The following EDN1 variants were observed in gnomAD, a reference collection of about 807,000 sequenced individuals.
The protein encoded by EDN1 is endothelin-1.
In EDN1, 11 loss-of-function variants were observed where a neutral mutation model predicts 21.7. The observed-to-expected ratio is 0.51, with a 90% CI of 0.32 to 0.84. The LOEUF (loss-of-function observed/expected upper bound fraction) is 0.84, where lower values mean the gene tolerates loss of function less well. EDN1 is among the 40% of genes least tolerant of loss of function. EDN1 has a pLI of 0.03. For missense variants in EDN1, 244 were observed against 262.3 expected, an observed-to-expected ratio of 0.93 and a Z score of 0.48; for synonymous variants, 85 against 90.6, an observed-to-expected ratio of 0.94 and a Z score of 0.35.
chr6:12,249,296 G>A, the EDN1 span, among the ~76,000 whole-genome samples: 2 of 152,124 alleles, frequency 1.3e-5, no homozygotes, highest in South Asian at 4.1e-4. Context: ...CTGTTGCTTT[G>A]TTTTGCAATA....
At chr6:12,288,173 G>C (rs1026066086), upstream of EDN1, among the ~76,000 whole-genome samples, 19 of 152,064 alleles carry the variant, frequency 1.2e-4, no homozygotes, top group African/African-American at 4.1e-4. Flanking sequence ...GGTGGTTTCC[G>C]GGTAGGGGCC....
chr6:12,274,236 G>A, the EDN1 span, among the ~76,000 whole-genome samples: 4 of 152,148 alleles, frequency 2.6e-5, no homozygotes, highest in African/African-American at 9.7e-5. Flanking sequence ...TTATTTTGAT[G>A]TAGATAAGTA....
the EDN1 span, among the ~76,000 whole-genome samples, chr6:12,251,966 A>G: frequency 8.5e-5 from 13 of 152,344 alleles, no homozygotes; most frequent in African/African-American, 2.4e-4. Flanking sequence ...TTGTAAGTCA[A>G]CTTGCAATAA....
the EDN1 span, among the ~76,000 whole-genome samples, chr6:12,267,238 C>T: frequency 6.6e-6 from 1 of 152,114 alleles, no homozygotes; most frequent in Non-Finnish European, 1.5e-5. Context: ...TCCAGCATTT[C>T]AAACTTTATA....
At chr6:12,266,224 C>G in the EDN1 span, among the ~76,000 whole-genome samples, 7 of 151,970 alleles carry the variant, frequency 4.6e-5, no homozygotes, top group Non-Finnish European at 1.0e-4. Flanking sequence ...GAACAAACAT[C>G]AAGGAAGAAA....
the EDN1 span, among the ~76,000 whole-genome samples, chr6:12,284,757 AAG>A: frequency 1.4e-5 from 2 of 144,464 alleles, no homozygotes; most frequent in Non-Finnish European, 3.1e-5. Flanking sequence ...GGAAGAAAGA[AAG>A]AAAGAAAGAA....
the EDN1 span, among the ~76,000 whole-genome samples, chr6:12,230,677 A>G: frequency 1.3e-5 from 2 of 152,184 alleles, no homozygotes; most frequent in African/African-American, 2.4e-5. Flanking sequence ...GACCTCAGGT[A>G]GGAACGTGTG....
chr6:12,231,485 T>TAAAC, the EDN1 span, among the ~76,000 whole-genome samples: 4 of 152,226 alleles, frequency 2.6e-5, no homozygotes, highest in Non-Finnish European at 1.5e-5. Context: ...CTTTGACTAT[T>TAAAC]AAACATTATT....
chr6:12,292,344 T>C lies in EDN1; in HGVS notation c.68T>C (p.Val23Ala). The C allele has an allele frequency of 6.2e-7, 1 of 1,613,908 alleles. No individual in the cohort carries two copies. Among genetic ancestry groups the C allele is most frequent in the Non-Finnish European group, 8.5e-7 (1 of 1,179,994 alleles). The change falls in exon 2 of 5, where the codon GTC becomes GCC. Residue 23 changes from valine to alanine, a missense_variant. Val to Ala is a moderately conservative substitution (Grantham distance 64). Coordinates refer to ENST00000379375, the MANE Select transcript of EDN1 (RefSeq NM_001955.5). ...VACQGAPETAVLGAELSAVGE... is the reference protein window; with the variant it reads ...VACQGAPETAALGAELSAVGE... ...GACCTGCTCTTTCTCTCCCCAGCAG[T>C]CTTAGGCGCTGAGCTCAGCGCGGTG...
chr6:12,281,394 T>A, the EDN1 span, among the ~76,000 whole-genome samples: 8 of 152,248 alleles, frequency 5.3e-5, no homozygotes, highest in Non-Finnish European at 1.2e-4. Flanking sequence ...TCTTACTAAC[T>A]AAACTTTTCC....
the EDN1 span, among the ~76,000 whole-genome samples, chr6:12,263,129 A>T: frequency 1.3e-5 from 2 of 152,194 alleles, no homozygotes; most frequent in Non-Finnish European, 2.9e-5. Context: ...ATTGGCCCAA[A>T]TTTTGAGAAA....
At chr6:12,269,194 TAAATG>T in the EDN1 span, among the ~76,000 whole-genome samples, 1 of 152,164 alleles carries the variant, frequency 6.6e-6, no homozygotes, top group Admixed American at 6.5e-5. Flanking sequence ...TCCTGAAACT[TAAATG>T]AATTAGTTTA....
upstream of EDN1, among the ~76,000 whole-genome samples, chr6:12,289,855 C>G (rs914020873): frequency 6.6e-6 from 1 of 152,136 alleles, no homozygotes; most frequent in African/African-American, 2.4e-5. Context: ...ATAGTCTGAC[C>G]CCCAGTAGTG....
the EDN1 span, among the ~76,000 whole-genome samples, chr6:12,242,818 G>A: frequency 6.6e-6 from 1 of 152,052 alleles, no homozygotes; most frequent in Non-Finnish European, 1.5e-5. Context: ...CTTCCAGTTG[G>A]AATGCTCTCT....
chr6:12,234,888 A>G, the EDN1 span, among the ~76,000 whole-genome samples: 1 of 152,248 alleles, frequency 6.6e-6, no homozygotes, highest in Non-Finnish European at 1.5e-5. Context: ...ACCAGACTCT[A>G]GATCATTCAT....
At chr6:12,255,989 C>T in the EDN1 span, among the ~76,000 whole-genome samples, 1 of 152,142 alleles carries the variant, frequency 6.6e-6, no homozygotes, top group Non-Finnish European at 1.5e-5. Flanking sequence ...CTTATTCATC[C>T]TGGATAAGGT....
chr6:12,240,199 C>T, the EDN1 span, among the ~76,000 whole-genome samples: 3 of 152,186 alleles, frequency 2.0e-5, no homozygotes, highest in Non-Finnish European at 2.9e-5. Context: ...CTTTCCCAGA[C>T]AGCCAGCAGG....
At chr6:12,282,175 T>C in the EDN1 span, among the ~76,000 whole-genome samples, 2 of 152,212 alleles carry the variant, frequency 1.3e-5, no homozygotes, top group Non-Finnish European at 2.9e-5. Flanking sequence ...TGGTAGAATG[T>C]TCCTTGAAAG....
chr6:12,266,693 T>C, the EDN1 span, among the ~76,000 whole-genome samples: 2 of 152,194 alleles, frequency 1.3e-5, no homozygotes, highest in Non-Finnish European at 2.9e-5. Flanking sequence ...AGAGTCCTGA[T>C]TGAGAGTGGG....
Sources: gnomAD v4.1 joint callset for allele counts (sites outside exome capture counted in the v4.1 genomes callset) on GRCh38, gnomAD v4.1.1 for gene constraint, MANE v1.5 for transcripts, NCBI Gene and HGNC (gene_info 2026-07-23, HGNC 2026-07-21) for gene names.